REEP5: variants seen among roughly 807,000 people sequenced by gnomAD.
The protein encoded by REEP5 is receptor expression-enhancing protein 5.
Under a neutral mutation model 22.4 loss-of-function variants are expected in REEP5, and 24 were observed. The ratio of observed to expected loss-of-function variants is 1.07; its 90% CI spans 0.78 to 1.51. The LOEUF is 1.51. Ranked by LOEUF, REEP5 falls within the 40% of genes most tolerant of loss-of-function variation. The pLI is 0.00. For synonymous variants in REEP5, 103 were observed against 88.6 expected (o/e 1.16, Z -0.92); for missense variants, 252 against 233.0 (o/e 1.08, Z -0.53).
At chr5:112,891,929 AG>A in intron 3 of REEP5, 1 of 1,274,292 alleles carries the variant, frequency 7.8e-7, no homozygotes, top group South Asian at 1.2e-5. Context: ...AAGAAGGAAA[AG>A]GAAGAGGCGG....
intron 2 of REEP5, among the ~76,000 whole-genome samples, chr5:112,903,636 A>T (rs1768893965): frequency 6.6e-6 from 1 of 152,240 alleles, no homozygotes. Flanking sequence ...CAGCTCCCCA[A>T]AGAGACAGTC....
At chr5:112,921,534 C>T (rs1437548757) in intron 1 of REEP5, 2 of 512,160 alleles carry the variant, frequency 3.9e-6, no homozygotes, top group Non-Finnish European at 7.1e-6. Context: ...CCGGGACGGT[C>T]CCAGGCACCC....
intron 2 of REEP5, 60 bp from the exon 3 acceptor site, chr5:112,902,578 A>G: frequency 6.8e-7 from 1 of 1,468,270 alleles, no homozygotes; most frequent in East Asian, 2.3e-5. Flanking sequence ...AAGATTTTCA[A>G]ATACACTTTC....
At chr5:112,881,267 G>A (rs1379741870) in intron 4 of REEP5, among the ~76,000 whole-genome samples, 1 of 152,044 alleles carries the variant, frequency 6.6e-6, no homozygotes, top group African/African-American at 2.4e-5. Flanking sequence ...AGAGAGGTCT[G>A]TGAGGGAGAA....
Position 112,892,664 on chromosome 5 carries a change from A to G in REEP5, c.352-5481T>C, listed in dbSNP as rs61733661. ...CTTCATGTGTTCAGAAATCCCAACA[A>G]TGAATTCTGGGAAGCTAATAGAGAC... is the stretch of plus-strand genomic sequence containing the variant. On this transcript the variant is annotated intron_variant, in intron 3 of 4. Coordinates refer to ENST00000379638, the MANE Select transcript of REEP5 (RefSeq NM_005669.5). The G allele has an allele frequency of 1.5e-5, 25 of 1,614,006 alleles. No homozygotes were observed. The African/African-American group carries it at 2.3e-4, about 15-fold the overall frequency.
intron 3 of REEP5, chr5:112,892,457 G>T (rs753974551): frequency 2.5e-6 from 4 of 1,614,168 alleles, no homozygotes; most frequent in Non-Finnish European, 3.4e-6. Flanking sequence ...CACCTGAGGG[G>T]CAATGTATAT....
intron 1 of REEP5, 65 bp downstream of exon 1, chr5:112,922,008 C>A: frequency 2.6e-6 from 4 of 1,539,528 alleles, no homozygotes; most frequent in Non-Finnish European, 3.5e-6. Flanking sequence ...TGCTTCCTTC[C>A]CCAGCAGCTG....
chr5:112,912,802 A>G (rs1244826696), intron 2 of REEP5, among the ~76,000 whole-genome samples: 2 of 152,214 alleles, frequency 1.3e-5, no homozygotes, highest in Non-Finnish European at 2.9e-5. Context: ...TATTATCAGT[A>G]CCTCAAATAA....
chr5:112,909,055 A>G (rs1461113340), intron 2 of REEP5, among the ~76,000 whole-genome samples: 1 of 151,794 alleles, frequency 6.6e-6, no homozygotes, highest in Admixed American at 6.6e-5. Flanking sequence ...ATCATAAGTT[A>G]CTGATTACAC....
intron 3 of REEP5, chr5:112,893,618 A>C (rs1329418974): frequency 6.5e-6 from 1 of 152,944 alleles, no homozygotes; most frequent in Non-Finnish European, 1.5e-5. Context: ...TTGGGAAAGC[A>C]TGACAGTAGA....
intron 1 of REEP5, 197 bp downstream of exon 1, chr5:112,921,876 C>T (rs933424059): frequency 3.0e-5 from 17 of 575,916 alleles, no homozygotes; most frequent in Middle Eastern, 4.9e-4. Context: ...CCCCGCGACC[C>T]TCAGCCTGGG....
intron 2 of REEP5, among the ~76,000 whole-genome samples, chr5:112,908,089 T>C (rs1265610985): frequency 1.7e-4 from 13 of 78,704 alleles, no homozygotes; most frequent in Admixed American, 4.3e-4. Flanking sequence ...TCAGAGACTT[T>C]CTTTGTTTTT....
At chr5:112,892,053 G>A (rs775043127) in intron 3 of REEP5, 4 of 1,527,406 alleles carry the variant, frequency 2.6e-6, no homozygotes, top group Non-Finnish European at 3.6e-6. Context: ...AAGAAAAAGA[G>A]GAAGCTGTGC....
chr5:112,880,945 A>G (rs923968820), intron 4 of REEP5, among the ~76,000 whole-genome samples: 30 of 152,142 alleles, frequency 2.0e-4, no homozygotes, highest in African/African-American at 7.0e-4. Context: ...CCTGGCCAAC[A>G]TGGCATAACG....
At chr5:112,904,037 G>A (rs1204445142) in intron 2 of REEP5, among the ~76,000 whole-genome samples, 1 of 152,120 alleles carries the variant, frequency 6.6e-6, no homozygotes, top group Non-Finnish European at 1.5e-5. Flanking sequence ...TCACTGTGTT[G>A]CCCAGGCTGG....
chr5:112,885,983 A>G (rs1377378754), intron 4 of REEP5, among the ~76,000 whole-genome samples: 1 of 152,218 alleles, frequency 6.6e-6, no homozygotes, highest in African/African-American at 2.4e-5. Context: ...GGATGTTTAC[A>G]GTGACTGTGG....
chr5:112,920,514 C>T (rs929026176), intron 2 of REEP5, among the ~76,000 whole-genome samples: 15 of 152,040 alleles, frequency 9.9e-5, no homozygotes, highest in African/African-American at 3.6e-4. Flanking sequence ...AGAATAAAAA[C>T]AACTTTGGTA....
At chr5:112,886,589 T>A (rs1768252857) in intron 4 of REEP5, among the ~76,000 whole-genome samples, 1 of 152,358 alleles carries the variant, frequency 6.6e-6, no homozygotes, top group African/African-American at 2.4e-5. Context: ...ATTATAGAAA[T>A]TTACTACGTA....
At chr5:112,919,664 G>A (rs1769307946) in intron 2 of REEP5, among the ~76,000 whole-genome samples, 1 of 152,196 alleles carries the variant, frequency 6.6e-6, no homozygotes, top group Admixed American at 6.5e-5. Context: ...CTTCTACCAT[G>A]TGAGGAAGCA....
Sources: allele counts gnomAD v4.1 joint callset (sites outside exome capture counted in the v4.1 genomes callset), GRCh38; gene constraint gnomAD v4.1.1; transcripts MANE v1.5; gene names NCBI Gene and HGNC (gene_info 2026-07-23, HGNC 2026-07-21).